The following ROBO1 variants were observed in gnomAD, a reference collection of about 807,000 sequenced individuals.
ROBO1 encodes roundabout homolog 1.
A neutral mutation model predicts 195.9 loss-of-function variants in ROBO1; 149 were observed. That is an observed-to-expected ratio of 0.76 (90% CI 0.67 to 0.87). The LOEUF is 0.87. ROBO1 is among the 40% of genes least tolerant of loss of function. ROBO1 has a pLI of 0.00. For missense variants in ROBO1, 1,933 were observed against 2,068.3 expected (o/e 0.93, Z 1.27); for synonymous variants, 816 against 733.2 (o/e 1.11, Z -1.82).
chr3:78,620,755 G>T (rs181343105), intron 26 of ROBO1, among the ~76,000 whole-genome samples: 6 of 152,020 alleles, frequency 3.9e-5, no homozygotes, highest in Non-Finnish European at 7.4e-5. Flanking sequence ...GAAATTCAGA[G>T]GGATTAAGGG....
chr3:79,488,459 T>A (rs1184880265), intron 2 of ROBO1, among the ~76,000 whole-genome samples: 7 of 152,156 alleles, frequency 4.6e-5, no homozygotes, highest in Admixed American at 6.5e-5. Context: ...AGACTGAGAA[T>A]GACATCAAGA....
intron 10 of ROBO1, among the ~76,000 whole-genome samples, chr3:78,679,443 A>C (rs1274294736): frequency 4.9e-4 from 75 of 152,060 alleles, no homozygotes; most frequent in Non-Finnish European, 5.7e-4. Context: ...GTCTCAGCCC[A>C]AAATCTCCTT....
chr3:78,720,902 C>T (rs544369124), intron 5 of ROBO1, among the ~76,000 whole-genome samples: 15 of 149,030 alleles, frequency 1.0e-4, no homozygotes, highest in Middle Eastern at 3.4e-3. Flanking sequence ...AATGAGAACA[C>T]TTGGACACAG....
At chr3:79,117,487 G>A (rs2080027987) in intron 3 of ROBO1, among the ~76,000 whole-genome samples, 1 of 152,130 alleles carries the variant, frequency 6.6e-6, no homozygotes, top group Non-Finnish European at 1.5e-5. Flanking sequence ...GACATCTCTT[G>A]GCCTCAGGAA....
In ROBO1 at chr3:79,142,790, G is replaced by C. The variant is rs184894827; in HGVS notation, c.89-17251C>G. The stretch of plus-strand genomic sequence containing the variant: ...TCCCATTTTCCTGCAAAATGGGAAA[G>C]GAAACTGAAGTTTATAGACAGGGAA... On this transcript the variant is annotated intron_variant, in intron 2 of 30. Coordinates refer to ENST00000464233, the MANE Select transcript of ROBO1 (RefSeq NM_002941.4). Among the ~76,000 whole-genome samples the C allele has an allele frequency of 4.7e-3, 708 of 152,144 alleles. 4 individuals are homozygous for C. Among genetic ancestry groups the C allele is most frequent in the African/African-American group, 0.016 (683 of 41,530 alleles).
chr3:79,142,197 C>A (rs1375009647), intron 2 of ROBO1, among the ~76,000 whole-genome samples: 1 of 151,968 alleles, frequency 6.6e-6, no homozygotes, highest in Non-Finnish European at 1.5e-5. Context: ...CAAAATAACC[C>A]CAAATATCTT....
At chr3:79,161,838 T>C (rs956193086) in intron 2 of ROBO1, among the ~76,000 whole-genome samples, 4 of 152,094 alleles carry the variant, frequency 2.6e-5, no homozygotes, top group African/African-American at 9.7e-5. Context: ...TTGGTACCCA[T>C]GGGCACTTAC....
chr3:78,671,381 T>A (rs887248942), intron 10 of ROBO1, among the ~76,000 whole-genome samples: 24 of 151,892 alleles, frequency 1.6e-4, no homozygotes, highest in African/African-American at 5.3e-4. Flanking sequence ...TAATGAAAAA[T>A]TTTTAAAAGA....
intron 4 of ROBO1, among the ~76,000 whole-genome samples, chr3:78,799,932 T>A (rs930374896): frequency 6.6e-6 from 1 of 152,268 alleles, no homozygotes; most frequent in Admixed American, 6.5e-5. Flanking sequence ...CCTGTTGAGC[T>A]TGTCTAGGAT....
intron 2 of ROBO1, among the ~76,000 whole-genome samples, chr3:79,437,956 CA>C (rs2038939777): frequency 6.6e-6 from 1 of 151,408 alleles, no homozygotes; most frequent in African/African-American, 2.4e-5. Flanking sequence ...AAAGTAAAAA[CA>C]AAACAAGAAA....
chr3:78,865,761 G>A (rs1431958704), intron 4 of ROBO1, among the ~76,000 whole-genome samples: 3 of 152,048 alleles, frequency 2.0e-5, no homozygotes, highest in East Asian at 3.9e-4. Context: ...ATGAGCCACC[G>A]TGCCTGGCCA....
chr3:79,509,481 C>G (rs1940586566), intron 2 of ROBO1, among the ~76,000 whole-genome samples: 2 of 152,074 alleles, frequency 1.3e-5, no homozygotes, highest in African/African-American at 4.8e-5. Context: ...AAAACTTCAT[C>G]CCCTGCATTG....
intron 2 of ROBO1, among the ~76,000 whole-genome samples, chr3:79,272,434 C>T (rs569298821): frequency 6.6e-6 from 1 of 152,080 alleles, no homozygotes; most frequent in South Asian, 2.1e-4. Context: ...CAGAAAAAAA[C>T]ACTTTCCTTA....
At chr3:78,758,551 C>CAAA in intron 4 of ROBO1, among the ~76,000 whole-genome samples, 1 of 137,262 alleles carries the variant, frequency 7.3e-6, no homozygotes, top group African/African-American at 3.0e-5. Flanking sequence ...AAAAAAAAAT[C>CAAA]CTCCTCAGGA....
chr3:78,709,838 G>T (rs2081638898), intron 8 of ROBO1, among the ~76,000 whole-genome samples: 1 of 152,180 alleles, frequency 6.6e-6, no homozygotes, highest in Non-Finnish European at 1.5e-5. Flanking sequence ...CACTCTTAGA[G>T]ATAACGGAAT....
At chr3:78,767,450 G>A (rs1175437371) in intron 4 of ROBO1, among the ~76,000 whole-genome samples, 3 of 152,004 alleles carry the variant, frequency 2.0e-5, no homozygotes, top group Non-Finnish European at 4.4e-5. Context: ...ACTTTTGGTA[G>A]AGACGAGGTT....
chr3:79,287,144 G>A (rs1430684882), intron 2 of ROBO1, among the ~76,000 whole-genome samples: 1 of 152,082 alleles, frequency 6.6e-6, no homozygotes, highest in Non-Finnish European at 1.5e-5. Flanking sequence ...TGTTGAAGAG[G>A]GTTCGTAATA....
chr3:79,034,712 T>C (rs951496035), intron 3 of ROBO1, among the ~76,000 whole-genome samples: 2 of 152,030 alleles, frequency 1.3e-5, no homozygotes, highest in African/African-American at 4.8e-5. Context: ...AACTTATGAG[T>C]TGCTTAGGAT....
chr3:79,645,231 G>A (rs944682456), intron 1 of ROBO1, among the ~76,000 whole-genome samples: 6 of 152,118 alleles, frequency 3.9e-5, no homozygotes, highest in African/African-American at 1.4e-4. Flanking sequence ...GCTGGGCATA[G>A]TGGCTCATGT....
Sources: allele counts gnomAD v4.1 joint callset (sites outside exome capture counted in the v4.1 genomes callset), GRCh38; gene constraint gnomAD v4.1.1; transcripts MANE v1.5; gene names NCBI Gene and HGNC (gene_info 2026-07-23, HGNC 2026-07-21).